Variants in NRG1 observed in about 807,000 individuals in gnomAD.
The protein encoded by NRG1 is neuregulin 1.
Under a neutral mutation model 63.8 loss-of-function variants are expected in NRG1, and 18 were observed. The observed-to-expected ratio is 0.28, with a 90% CI of 0.19 to 0.42. The LOEUF is 0.42. Among genes scored for constraint, NRG1 ranks in the 10% least tolerant of loss-of-function variants. The pLI is 1.00. For synonymous variants in NRG1, 302 were observed against 301.3 expected, an observed-to-expected ratio of 1.00 and a Z score of -0.02; for missense variants, 762 against 814.7, an observed-to-expected ratio of 0.94 and a Z score of 0.79.
At chr8:32,667,399 C>T (rs1008348223) in intron 5 of NRG1, among the ~76,000 whole-genome samples, 3 of 152,076 alleles carry the variant, frequency 2.0e-5, no homozygotes, top group Non-Finnish European at 1.5e-5. Context: ...ACCTCTTAAC[C>T]GGTTAATAAT....
rs1019962777 is a variant in NRG1, at chr8:31,817,504, A to G, written c.37+178073A>G. 2.6e-5 allele frequency among the ~76,000 whole-genome samples: 4 copies of G among 152,246 alleles called. No individual in the cohort carries two copies. In the South Asian group the frequency reaches 6.2e-4, roughly 24 times the overall value. ...TATTACATGTGCAAAGTCAGAACAT[A>G]TGGAGAGCATTTGCATTTGAATGGG... On this transcript the variant is annotated intron_variant, in intron 1 of 10. Coordinates refer to the NRG1 transcript ENST00000519301.
rs144517849 is a variant in NRG1, at chr8:32,664,237, G to A, written c.502+47352G>A. Among the ~76,000 whole-genome samples, 885 of 151,932 alleles carry A rather than the reference G, an allele frequency of 5.8e-3. 4 individuals are homozygous for A. The highest frequency in any genetic ancestry group is 0.037 in the Middle Eastern group (11 of 294). ...GTTTCATCAAAGACATAAAAGCCTT[G>A]CCATTAACTGGAGTATAAGGTAGTA... is the stretch of plus-strand genomic sequence containing the variant. On this transcript the variant is annotated intron_variant, in intron 5 of 11. Transcript: ENST00000356819.
At chr8:32,171,177 C>T (rs1490596970) in intron 1 of NRG1, among the ~76,000 whole-genome samples, 1 of 152,138 alleles carries the variant, frequency 6.6e-6, no homozygotes, top group East Asian at 1.9e-4. Context: ...AAGAAAAAAA[C>T]ATGAATATCT....
chr8:32,205,050 A>G (rs1391537626), intron 1 of NRG1, among the ~76,000 whole-genome samples: 2 of 152,246 alleles, frequency 1.3e-5, no homozygotes, highest in Non-Finnish European at 2.9e-5. Flanking sequence ...ACACCATTTT[A>G]TAGAACAAAT....
chr8:32,340,027 C>T (rs910309216), intron 1 of NRG1, among the ~76,000 whole-genome samples: 2 of 152,032 alleles, frequency 1.3e-5, no homozygotes, highest in African/African-American at 4.8e-5. Flanking sequence ...TTCCCCTCTG[C>T]TGCTAAGGGG....
intron 1 of NRG1, among the ~76,000 whole-genome samples, chr8:32,225,699 C>A (rs1846250751): frequency 6.6e-6 from 1 of 152,126 alleles, no homozygotes; most frequent in Admixed American, 6.5e-5. Flanking sequence ...AAAACATCTT[C>A]CGTAATAAGC....
At chr8:31,868,771 A>G (rs763008562) in intron 1 of NRG1, among the ~76,000 whole-genome samples, 2 of 152,222 alleles carry the variant, frequency 1.3e-5, no homozygotes, top group African/African-American at 2.4e-5. Flanking sequence ...TGTCATTGAC[A>G]TTATGTTCAT....
intron 1 of NRG1, among the ~76,000 whole-genome samples, chr8:31,773,632 C>T (rs181237353): frequency 8.5e-5 from 13 of 152,318 alleles, no homozygotes; most frequent in African/African-American, 3.1e-4. Context: ...ATACCCATCA[C>T]AAAGCCTTTG....
intron 1 of NRG1, among the ~76,000 whole-genome samples, chr8:32,466,701 G>T (rs1823109569): frequency 6.6e-6 from 1 of 152,092 alleles, no homozygotes; most frequent in Non-Finnish European, 1.5e-5. Flanking sequence ...TTTGCTGTGG[G>T]ATAGTTGAAA....
At chr8:32,392,343 A>T (rs952941863) in intron 1 of NRG1, among the ~76,000 whole-genome samples, 2 of 152,228 alleles carry the variant, frequency 1.3e-5, no homozygotes, top group African/African-American at 4.8e-5. Flanking sequence ...ACTTTTAAGG[A>T]TTCTTACATC....
chr8:32,107,559 G>C (rs999504486), intron 1 of NRG1, among the ~76,000 whole-genome samples: 1 of 152,054 alleles, frequency 6.6e-6, no homozygotes, highest in Non-Finnish European at 1.5e-5. Flanking sequence ...AATCATTCTT[G>C]ATTTTTTTAT....
intron 1 of NRG1, among the ~76,000 whole-genome samples, chr8:32,283,273 T>C (rs1188221588): frequency 6.6e-6 from 1 of 152,216 alleles, no homozygotes; most frequent in Non-Finnish European, 1.5e-5. Flanking sequence ...TTTGCTCAGC[T>C]TTTCTGAAAA....
intron 1 of NRG1, among the ~76,000 whole-genome samples, chr8:32,177,254 C>T (rs1840876009): frequency 6.7e-6 from 1 of 149,206 alleles, no homozygotes; most frequent in South Asian, 2.1e-4. Flanking sequence ...CACATGTTCT[C>T]ACTCATAGGT....
intron 1 of NRG1, among the ~76,000 whole-genome samples, chr8:32,264,920 A>G (rs908908482): frequency 7.2e-5 from 11 of 152,212 alleles, no homozygotes; most frequent in Non-Finnish European, 1.3e-4. Context: ...AAAAAGTTCA[A>G]CGGAAATACA....
chr8:32,510,316 T>C (rs1231912130), intron 1 of NRG1, among the ~76,000 whole-genome samples: 1 of 151,862 alleles, frequency 6.6e-6, no homozygotes, highest in African/African-American at 2.4e-5. Flanking sequence ...GAGCCATGTT[T>C]GTGCTGCTGC....
At chr8:31,894,212 T>C (rs117428097) in intron 1 of NRG1, among the ~76,000 whole-genome samples, 1,568 of 152,326 alleles carry the variant, frequency 0.01, 16 homozygotes, top group Non-Finnish European at 0.014. Context: ...GACTTGTTAT[T>C]TGCATCTACT....
At chr8:32,329,064 G>A (rs867669052) in intron 1 of NRG1, among the ~76,000 whole-genome samples, 1 of 152,140 alleles carries the variant, frequency 6.6e-6, no homozygotes, top group South Asian at 2.1e-4. Context: ...AACCTCTCCA[G>A]CTCAAGCGAT....
chr8:31,890,174 G>A (rs1350393673), intron 1 of NRG1, among the ~76,000 whole-genome samples: 2 of 152,128 alleles, frequency 1.3e-5, no homozygotes, highest in Admixed American at 1.3e-4. Flanking sequence ...CAAAGATATT[G>A]CAGCATACTC....
intron 5 of NRG1, among the ~76,000 whole-genome samples, chr8:32,652,000 A>G (rs1331918733): frequency 1.3e-5 from 2 of 152,198 alleles, no homozygotes; most frequent in Non-Finnish European, 2.9e-5. Context: ...AGAAATGCCT[A>G]TTGAAATTCT....
Sources: allele counts gnomAD v4.1 joint callset (sites outside exome capture counted in the v4.1 genomes callset), GRCh38; gene constraint gnomAD v4.1.1; transcripts MANE v1.5; gene names NCBI Gene and HGNC (gene_info 2026-07-23, HGNC 2026-07-21).